JMJD1C: variants seen among roughly 807,000 people sequenced by gnomAD.
JMJD1C encodes jumonji domain-containing protein 1C.
In JMJD1C, 31 loss-of-function variants were observed where a neutral mutation model predicts 245.3. That is an observed-to-expected ratio of 0.13 (90% confidence interval 0.09 to 0.17). JMJD1C has a LOEUF of 0.17. Among genes scored for constraint, JMJD1C ranks in the 10% least tolerant of loss-of-function variants. The probability of loss-of-function intolerance (pLI) is 1.00; values close to 1 mark genes in which losing one functional copy is unlikely to be tolerated. For synonymous variants in JMJD1C, 1,057 were observed against 1,017.4 expected (o/e 1.04, Z -0.74); for missense variants, 2,691 against 3,000.2 (o/e 0.90, Z 2.41).
rs71025144 is a variant in JMJD1C at position 63,281,458 on chromosome 10, CTTTTTTTTTTT to C, written c.334-16705_334-16695del. Among the ~76,000 whole-genome samples, 13 of 65,384 alleles carry C rather than the reference CTTTTTTTTTTT, an allele frequency of 2.0e-4. No individual in the cohort carries two copies. In the East Asian group the frequency reaches 4.0e-3, roughly 20 times the overall value. The allele number at this position is 65,384 out of a possible 152,430, so 42.9% of individuals were successfully genotyped here. On this transcript the variant is annotated intron_variant, in intron 2 of 25. Coordinates refer to ENST00000399262, the MANE Select transcript of JMJD1C (RefSeq NM_032776.3). ...ACAGGCGTGAGCCACTGCGCCTGGC[CTTTTTTTTTTT>C]TTTTTTTTTTTTTTTTTTTGAGACG...
At chr10:63,193,856 CG>C (rs1461757422) in intron 14 of JMJD1C, among the ~76,000 whole-genome samples, 3 of 152,172 alleles carry the variant, frequency 2.0e-5, no homozygotes, top group South Asian at 4.2e-4. Flanking sequence ...TTAGTAGAAA[CG>C]GGGTTTCACT....
intron 2 of JMJD1C, chr10:63,358,987 TA>T (rs1042908155): frequency 6.3e-6 from 1 of 159,588 alleles, no homozygotes; most frequent in African/African-American, 2.4e-5. Context: ...CGAAGCATGG[TA>T]ATTGTGTGAA....
chr10:63,358,292 G>A (rs1327398003), intron 2 of JMJD1C, among the ~76,000 whole-genome samples: 1 of 151,868 alleles, frequency 6.6e-6, no homozygotes, highest in East Asian at 1.9e-4. Flanking sequence ...CAACATCATA[G>A]AAATCCTGAG....
rs60605672 is a variant in JMJD1C at position 63,500,428 on chromosome 10, G to GA, written n.113+21309dup. ...ACAGGGTGAGACCCTGTCTCCAAAG[G>GA]AAAAAAAAAAAAAAAAGAACTGTGG... On this transcript the variant is annotated intron_variant and non_coding_transcript_variant, in intron 1 of 3. Coordinates refer to the JMJD1C transcript ENST00000633035. 7.7e-3 allele frequency among the ~76,000 whole-genome samples: 862 copies of GA among 112,052 alleles called. 6 individuals carry two copies. The highest frequency in any genetic ancestry group is 0.019 in the African/African-American group (575 of 30,182). The allele number at this position is 112,052 out of a possible 152,430, so 73.5% of individuals were successfully genotyped here.
chr10:63,232,982 G>A (rs183434578), intron 3 of JMJD1C, among the ~76,000 whole-genome samples: 1 of 152,160 alleles, frequency 6.6e-6, no homozygotes, highest in East Asian at 1.9e-4. Flanking sequence ...AAATGTTACT[G>A]CAAACTTCAT....
At chr10:63,193,321 GAAT>G (rs1845071222) in intron 15 of JMJD1C, 21 bp downstream of exon 15, 1 of 1,568,708 alleles carries the variant, frequency 6.4e-7, no homozygotes, top group Admixed American at 2.0e-5. Flanking sequence ...GATTTTATTT[GAAT>G]AACCAGAGAT....
intron 1 of JMJD1C, among the ~76,000 whole-genome samples, chr10:63,512,061 C>T (rs1477703244): frequency 6.6e-6 from 1 of 152,152 alleles, no homozygotes; most frequent in Non-Finnish European, 1.5e-5. Flanking sequence ...CCAAATATTC[C>T]TAAATTCACT....
At chr10:63,194,137 T>C (rs961809960) in intron 14 of JMJD1C, 149 bp downstream of exon 14, 12 of 599,074 alleles carry the variant, frequency 2.0e-5, no homozygotes, top group African/African-American at 1.5e-4. Context: ...TGAGCTTTAT[T>C]ACATAGAGGA....
rs79963662 is a variant in JMJD1C, at chr10:63,316,235, T to C, written c.334-51471A>G. Among the ~76,000 whole-genome samples, 1,178 of 152,356 alleles carry C rather than the reference T, an allele frequency of 7.7e-3. 7 individuals are homozygous for C. The highest frequency in any genetic ancestry group is 0.014 in the Non-Finnish European group (979 of 68,036). Reference sequence around the variant, plus strand: ...TAGCACTTCAAACATGTCATTCCACTGCATTTGGCTTGAAAATTTTTTGAT... The same window carrying C: ...TAGCACTTCAAACATGTCATTCCACCGCATTTGGCTTGAAAATTTTTTGAT... On this transcript the variant is annotated intron_variant, in intron 2 of 25. Transcript: ENST00000399262.
intron 2 of JMJD1C, among the ~76,000 whole-genome samples, chr10:63,375,806 T>C (rs1384477001): frequency 6.6e-6 from 1 of 151,988 alleles, no homozygotes; most frequent in African/African-American, 2.4e-5. Context: ...CCTCTCGCCT[T>C]AGCCTCCCAA....
chr10:63,507,992 T>C (rs1290705738), intron 1 of JMJD1C, among the ~76,000 whole-genome samples: 1 of 152,224 alleles, frequency 6.6e-6, no homozygotes, highest in Non-Finnish European at 1.5e-5. Flanking sequence ...AAATATATCT[T>C]TTGCAAATAT....
chr10:63,442,503 C>T (rs1324467557), intron 1 of JMJD1C, among the ~76,000 whole-genome samples: 1 of 152,142 alleles, frequency 6.6e-6, no homozygotes, highest in East Asian at 1.9e-4. Context: ...TCTAGCAATG[C>T]AGCAGAATGT....
At chr10:63,283,129 T>A (rs1297606789) in intron 2 of JMJD1C, among the ~76,000 whole-genome samples, 2 of 152,230 alleles carry the variant, frequency 1.3e-5, no homozygotes, top group Non-Finnish European at 2.9e-5. Context: ...CCACTAATGA[T>A]GTCCAAAAGC....
chr10:63,318,817 A>G (rs551683838), intron 2 of JMJD1C, among the ~76,000 whole-genome samples: 1 of 152,160 alleles, frequency 6.6e-6, no homozygotes, highest in South Asian at 2.1e-4. Context: ...CACTTCATTT[A>G]TCTCTTTCAA....
Position 63,207,826 on chromosome 10 carries a change from G to A in JMJD1C, c.3843C>T (p.Asn1281=), listed in dbSNP as rs768201757. The A allele has an allele frequency of 1.9e-6, 3 of 1,614,126 alleles. No homozygotes were observed. The highest frequency in any genetic ancestry group is 1.1e-5 in the South Asian group (1 of 91,078). The part of the protein sequence containing the change: ...SLTEMWRPNN[N]LSKEKTEWHV... ...GCCATTCAGTTTTCTCTTTGCTGAG[G>A]TTATTATTAGGTCTCCACATCTCCG... The change falls in exon 10 of 26, where the codon AAC becomes AAT. Residue 1281 remains asparagine, a synonymous_variant. Transcript: ENST00000399262.
chr10:63,252,496 G>T (rs948302110), intron 3 of JMJD1C, among the ~76,000 whole-genome samples: 3 of 152,180 alleles, frequency 2.0e-5, no homozygotes, highest in Non-Finnish European at 2.9e-5. Flanking sequence ...GACTGCAGCA[G>T]CAAGTCTTGC....
chr10:63,396,831 A>G (rs566899982), intron 1 of JMJD1C, among the ~76,000 whole-genome samples: 1 of 152,044 alleles, frequency 6.6e-6, no homozygotes, highest in East Asian at 1.9e-4. Context: ...TAAAAAAGGA[A>G]AGTAACAACT....
intron 2 of JMJD1C, among the ~76,000 whole-genome samples, chr10:63,355,244 C>A (rs573805189): frequency 3.5e-4 from 53 of 152,152 alleles, no homozygotes; most frequent in Middle Eastern, 3.2e-3. Context: ...GAGGACCCAT[C>A]ACCTGGTTTC....
intron 2 of JMJD1C, among the ~76,000 whole-genome samples, chr10:63,329,521 G>C (rs528596755): frequency 6.7e-5 from 10 of 149,936 alleles, no homozygotes; most frequent in African/African-American, 2.4e-4. Context: ...GTCAACTGCG[G>C]GGCCAACACA....
Sources: allele counts gnomAD v4.1 joint callset (sites outside exome capture counted in the v4.1 genomes callset), GRCh38; gene constraint gnomAD v4.1.1; transcripts MANE v1.5; gene names NCBI Gene and HGNC (gene_info 2026-07-23, HGNC 2026-07-21).